Variants in PTPRD observed in about 807,000 individuals in gnomAD.
PTPRD encodes the protein protein tyrosine phosphatase receptor type D, also known as receptor-type tyrosine-protein phosphatase delta.
PTPRD carries 34 observed loss-of-function variants against 214.5 expected under a neutral mutation model. That is an observed-to-expected ratio of 0.16 (90% confidence interval 0.12 to 0.21). PTPRD has a LOEUF of 0.21. Ranked by LOEUF, PTPRD falls within the 10% of genes least tolerant of loss-of-function variation. PTPRD has a pLI of 1.00. For missense variants in PTPRD, 2,545 were observed against 2,398.7 expected (o/e 1.06, Z -1.27); for synonymous variants, 1,128 against 845.7 (o/e 1.33, Z -5.79).
At chr9:10,311,676 A>G (rs12552373) in intron 3 of PTPRD, among the ~76,000 whole-genome samples, 4,433 of 152,174 alleles carry the variant, frequency 0.029, 287 homozygotes, top group Admixed American at 0.16. Flanking sequence ...CAGAAAAGTT[A>G]GCATATTTTT....
chr9:9,227,839 G>A (rs1594057479), intron 9 of PTPRD, among the ~76,000 whole-genome samples: 1 of 152,212 alleles, frequency 6.6e-6, no homozygotes, highest in East Asian at 1.9e-4. Context: ...GATGACTGTA[G>A]CCCAAGCTGA....
At chr9:9,820,488 T>C (rs148033448) in intron 5 of PTPRD, among the ~76,000 whole-genome samples, 1 of 152,284 alleles carries the variant, frequency 6.6e-6, no homozygotes, top group African/African-American at 2.4e-5. Flanking sequence ...TTTAGTTTAA[T>C]TAGGTTCCAC....
chr9:10,252,583 T>C (rs2092883928), intron 3 of PTPRD, among the ~76,000 whole-genome samples: 1 of 152,100 alleles, frequency 6.6e-6, no homozygotes, highest in Non-Finnish European at 1.5e-5. Flanking sequence ...TTATATATTA[T>C]GTATTAATGA....
intron 3 of PTPRD, among the ~76,000 whole-genome samples, chr9:10,244,203 G>T (rs1366576114): frequency 6.6e-6 from 1 of 151,908 alleles, no homozygotes; most frequent in East Asian, 1.9e-4. Flanking sequence ...CTCCCTTACA[G>T]TGTTAGTCAT....
intron 11 of PTPRD, among the ~76,000 whole-genome samples, chr9:8,786,712 G>A (rs1038185268): frequency 5.3e-5 from 8 of 150,144 alleles, no homozygotes; most frequent in Non-Finnish European, 1.5e-5. Context: ...ATCACACCCA[G>A]TCAAACATTT....
chr9:9,338,974 CCTG>C (rs2045689737), intron 9 of PTPRD, among the ~76,000 whole-genome samples: 1 of 152,100 alleles, frequency 6.6e-6, no homozygotes, highest in Non-Finnish European at 1.5e-5. Context: ...TCGCAAGATT[CCTG>C]CTACTTTAAG....
chr9:9,738,461 T>TTTTTTG (rs34324872), intron 6 of PTPRD, among the ~76,000 whole-genome samples: 1 of 136,124 alleles, frequency 7.3e-6, no homozygotes. Flanking sequence ...TTTTTTTTTT[T>TTTTTTG]GAGATGGAGT....
chr9:9,236,362 C>T (rs998787075), intron 9 of PTPRD, among the ~76,000 whole-genome samples: 4 of 152,016 alleles, frequency 2.6e-5, no homozygotes, highest in African/African-American at 9.7e-5. Context: ...TAAAAATGGA[C>T]ACAAAGGAGT....
chr9:9,910,028 C>T (rs12348066), intron 5 of PTPRD, among the ~76,000 whole-genome samples: 68,973 of 151,722 alleles, frequency 0.45, 16,844 homozygotes, highest in Non-Finnish European at 0.55. Flanking sequence ...AATATATGGT[C>T]TCTGGAGCCA....
intron 7 of PTPRD, among the ~76,000 whole-genome samples, chr9:9,646,366 T>G (rs1226055600): frequency 6.6e-6 from 1 of 151,356 alleles, no homozygotes; most frequent in Non-Finnish European, 1.5e-5. Flanking sequence ...TGTGTGTATT[T>G]GCCCAGCACA....
At chr9:10,401,641 C>T (rs1482227436) in intron 2 of PTPRD, among the ~76,000 whole-genome samples, 1 of 146,650 alleles carries the variant, frequency 6.8e-6, no homozygotes, top group South Asian at 2.2e-4. Context: ...AAATTATCAT[C>T]TAATACTATA....
intron 9 of PTPRD, among the ~76,000 whole-genome samples, chr9:9,392,068 T>C (rs1173445952): frequency 2.0e-5 from 3 of 152,168 alleles, no homozygotes; most frequent in Non-Finnish European, 2.9e-5. Flanking sequence ...GAGACAAATA[T>C]TCTCTGTAGA....
intron 14 of PTPRD, among the ~76,000 whole-genome samples, chr9:8,594,500 G>A (rs1483022003): frequency 1.3e-5 from 2 of 152,076 alleles, no homozygotes; most frequent in East Asian, 3.9e-4. Flanking sequence ...GATACGGTTT[G>A]GCTGTGTCCC....
intron 11 of PTPRD, among the ~76,000 whole-genome samples, chr9:8,744,209 A>C (rs904103992): frequency 1.9e-4 from 29 of 152,344 alleles, no homozygotes; most frequent in African/African-American, 7.0e-4. Context: ...AAGAATGTAA[A>C]CTAGTAAAAC....
At chr9:9,675,112 C>G (rs1225268707) in intron 7 of PTPRD, among the ~76,000 whole-genome samples, 1 of 151,850 alleles carries the variant, frequency 6.6e-6, no homozygotes, top group Non-Finnish European at 1.5e-5. Context: ...TTGACAAACA[C>G]AATCTGATGG....
At position 9,825,658 on chromosome 9, in the gene PTPRD, TAAAG is replaced by T. The variant is rs1344866756; in HGVS notation, c.-367-58811_-367-58808del. Among the ~76,000 whole-genome samples the T allele has an allele frequency of 2.0e-5, 3 of 151,920 alleles. No individual in the cohort carries two copies. In the East Asian group the frequency reaches 5.8e-4, roughly 29 times the overall value. On this transcript the variant is annotated intron_variant, in intron 5 of 45. Coordinates refer to ENST00000381196, the MANE Select transcript of PTPRD (RefSeq NM_002839.4). ...CTACGGGGTATTCTCAGGGAAAACT[TAAAG>T]AAACGATGGAGTACAATGATAACAG...
At chr9:9,097,749 A>G (rs1008831025) in intron 10 of PTPRD, among the ~76,000 whole-genome samples, 1 of 152,216 alleles carries the variant, frequency 6.6e-6, no homozygotes, top group South Asian at 2.1e-4. Flanking sequence ...ACAATTCTCT[A>G]TGGGTCTCAT....
rs532164925 is a variant in PTPRD at position 9,736,490 on chromosome 9, T to C, written c.-325-1919A>G. 2.6e-4 allele frequency among the ~76,000 whole-genome samples: 39 copies of C among 152,206 alleles called. No individual in the cohort carries two copies. The South Asian group carries it at 7.7e-3, about 30-fold the overall frequency. ...GGGGTTATTAAGAATTACCCTACCA[T>C]AAGCATCCTTTGTTAAGAGTGACAT... On this transcript the variant is annotated intron_variant, in intron 6 of 45. Transcript: ENST00000381196.
chr9:9,379,210 T>C (rs915833602), intron 9 of PTPRD, among the ~76,000 whole-genome samples: 1 of 144,014 alleles, frequency 6.9e-6, no homozygotes, highest in Non-Finnish European at 1.5e-5. Context: ...TATATATATA[T>C]GATATATATT....
Sources: gnomAD v4.1 joint callset for allele counts (sites outside exome capture counted in the v4.1 genomes callset) on GRCh38, gnomAD v4.1.1 for gene constraint, MANE v1.5 for transcripts, NCBI Gene and HGNC (gene_info 2026-07-23, HGNC 2026-07-21) for gene names.